KIF13B: variants seen among roughly 807,000 people sequenced by gnomAD.
The protein encoded by KIF13B is kinesin-like protein KIF13B.
A neutral mutation model predicts 222.0 loss-of-function variants in KIF13B; 127 were observed. That is an observed-to-expected ratio of 0.57 (90% confidence interval 0.50 to 0.66). The LOEUF (loss-of-function observed/expected upper bound fraction) is 0.66, where lower values mean the gene tolerates loss of function less well. Among genes scored for constraint, KIF13B ranks in the 30% least tolerant of loss-of-function variants. KIF13B has a pLI of 0.00. For missense variants in KIF13B, 2,173 were observed against 2,379.0 expected, an observed-to-expected ratio of 0.91 and a Z score of 1.80; for synonymous variants, 976 against 919.0, an observed-to-expected ratio of 1.06 and a Z score of -1.12.
intron 37 of KIF13B, among the ~76,000 whole-genome samples, chr8:29,092,352 A>G (rs1044741989): frequency 1.3e-5 from 2 of 152,242 alleles, no homozygotes; most frequent in Non-Finnish European, 2.9e-5. Context: ...AGAGGTTGAG[A>G]GGGAAGGGCA....
chr8:29,242,701 T>C (rs958767041), intron 2 of KIF13B, among the ~76,000 whole-genome samples: 3 of 152,198 alleles, frequency 2.0e-5, no homozygotes, highest in African/African-American at 7.2e-5. Context: ...CGAGCAGTGG[T>C]GTGGAATAGG....
chr8:29,075,129 TAGAG>T (rs1807492799), intron 38 of KIF13B, among the ~76,000 whole-genome samples, 148 bp downstream of exon 38: 1 of 151,940 alleles, frequency 6.6e-6, no homozygotes, highest in African/African-American at 2.4e-5. Context: ...ACAAGGAAAA[TAGAG>T]AGGGAGAAGG....
rs377382162 is a variant in KIF13B at position 29,109,467 on chromosome 8, G to C, written c.4128C>G (p.Ser1376Arg). 2.2e-5 allele frequency: 36 copies of C among 1,613,762 alleles called. No individual in the cohort carries two copies. In the African/African-American group the frequency reaches 4.7e-4, roughly 21 times the overall value. Residue 1376 changes from serine to arginine, a missense_variant, in exon 34 of 40, where the codon AGC becomes AGG. Transcript: ENST00000524189. ...CATTTGGAGAACTGATACTCCTCCT[G>C]CTCAACTTTCCTTTTCCTGTTAACT... ...KEQLTGKGKL[S>R]RRSISSPNVN...
intron 35 of KIF13B, among the ~76,000 whole-genome samples, chr8:29,106,407 A>C (rs1004925141): frequency 1.3e-5 from 2 of 152,108 alleles, no homozygotes; most frequent in Non-Finnish European, 2.9e-5. Flanking sequence ...CAAGGCGGAC[A>C]GATCACTTGA....
chr8:29,238,622 A>G (rs550273786), intron 2 of KIF13B, among the ~76,000 whole-genome samples: 1 of 152,314 alleles, frequency 6.6e-6, no homozygotes, highest in East Asian at 1.9e-4. Flanking sequence ...AACATGACAC[A>G]TGGGGGATGG....
intron 10 of KIF13B, 135 bp downstream of exon 10, chr8:29,175,933 A>G (rs188233961): frequency 1.7e-5 from 11 of 658,998 alleles, no homozygotes; most frequent in East Asian, 1.1e-4. Flanking sequence ...TGTCATTACC[A>G]TAAGAGCCTA....
intron 2 of KIF13B, among the ~76,000 whole-genome samples, chr8:29,205,118 G>A (rs1168757765): frequency 6.6e-6 from 1 of 152,120 alleles, no homozygotes; most frequent in Non-Finnish European, 1.5e-5. Flanking sequence ...CAGCCCAGGA[G>A]ATGGAGGCTG....
intron 4 of KIF13B, among the ~76,000 whole-genome samples, 154 bp from the exon 5 acceptor site, chr8:29,188,761 C>T (rs1813053576): frequency 2.0e-5 from 3 of 152,348 alleles, no homozygotes; most frequent in Non-Finnish European, 2.9e-5. Context: ...AAGGCTTATG[C>T]CTTCCAGGTT....
intron 2 of KIF13B, among the ~76,000 whole-genome samples, chr8:29,244,530 CATTGCCA>C (rs1193888231): frequency 6.6e-6 from 1 of 152,192 alleles, no homozygotes; most frequent in Non-Finnish European, 1.5e-5. Flanking sequence ...CCATTCTCTA[CATTGCCA>C]ATCAACAACT....
At chr8:29,119,575 C>A (rs998147821) in intron 29 of KIF13B, among the ~76,000 whole-genome samples, 1 of 152,150 alleles carries the variant, frequency 6.6e-6, no homozygotes, top group African/African-American at 2.4e-5. Context: ...TCCTGATGAT[C>A]CCCTCAAATG....
At chr8:29,249,012 T>C (rs1207769556) in intron 1 of KIF13B, among the ~76,000 whole-genome samples, 1 of 152,182 alleles carries the variant, frequency 6.6e-6, no homozygotes, top group Non-Finnish European at 1.5e-5. Flanking sequence ...ATGAATGATG[T>C]CTCAATACAG....
At chr8:29,179,701 C>T (rs1354529461) in intron 8 of KIF13B, among the ~76,000 whole-genome samples, 1 of 152,200 alleles carries the variant, frequency 6.6e-6, no homozygotes, top group Non-Finnish European at 1.5e-5. Context: ...GCACATTCTC[C>T]AGGTTCCAGG....
intron 32 of KIF13B, among the ~76,000 whole-genome samples, chr8:29,112,579 G>A (rs542573328): frequency 7.2e-5 from 11 of 152,288 alleles, no homozygotes; most frequent in Non-Finnish European, 1.0e-4. Flanking sequence ...TATGAGGGGC[G>A]TCTTCTGATG....
At position 29,148,770 on chromosome 8, in the gene KIF13B, T is replaced by C. The variant is rs1457963252; in HGVS notation, c.1623-3A>G. On this transcript the variant is annotated splice_polypyrimidine_tract_variant and splice_region_variant and intron_variant, in intron 15 of 39. Transcript: ENST00000524189. ...TTTTCTTTTTAGGCAAATTGAGTCTTGGTGGGAAAAAGAGTATTATTTTCT... is the reference window on the plus strand; with the variant it reads ...TTTTCTTTTTAGGCAAATTGAGTCTCGGTGGGAAAAAGAGTATTATTTTCT... 7 of 1,586,606 alleles carry C rather than the reference T, an allele frequency of 4.4e-6. No individual in the cohort carries two copies. The highest frequency in any genetic ancestry group is 6.0e-6 in the Non-Finnish European group (7 of 1,166,676).
At chr8:29,221,779 T>C (rs4732920) in intron 2 of KIF13B, among the ~76,000 whole-genome samples, 123,465 of 152,116 alleles carry the variant, frequency 0.81, 51,025 homozygotes, top group Non-Finnish European at 0.89. Flanking sequence ...CAAAGGATAA[T>C]GCCCAAAATA....
intron 26 of KIF13B, among the ~76,000 whole-genome samples, chr8:29,126,040 T>C (rs1276630101): frequency 6.6e-6 from 1 of 151,542 alleles, no homozygotes; most frequent in East Asian, 1.9e-4. Flanking sequence ...TGAGCCGAGA[T>C]GGCGCTATTG....
At chr8:29,123,591 G>T in intron 27 of KIF13B, 99 bp from the exon 28 acceptor site, 2 of 1,443,860 alleles carry the variant, frequency 1.4e-6, no homozygotes, top group Non-Finnish European at 9.5e-7. Flanking sequence ...TCAATTATTA[G>T]CTCACAAGTG....
intron 1 of KIF13B, among the ~76,000 whole-genome samples, chr8:29,259,348 C>T (rs2117184504): frequency 6.6e-6 from 1 of 152,334 alleles, no homozygotes; most frequent in South Asian, 2.1e-4. Context: ...TTCTCCCTAA[C>T]ACCTGAAATA....
intron 23 of KIF13B, 65 bp from the exon 24 acceptor site, chr8:29,130,730 C>A (rs920220824): frequency 2.8e-6 from 4 of 1,437,942 alleles, no homozygotes; most frequent in Non-Finnish European, 3.9e-6. Flanking sequence ...AGCTTAGGGT[C>A]CTACACACAT....
Sources: allele counts gnomAD v4.1 joint callset (sites outside exome capture counted in the v4.1 genomes callset), GRCh38; gene constraint gnomAD v4.1.1; transcripts MANE v1.5; gene names NCBI Gene and HGNC (gene_info 2026-07-23, HGNC 2026-07-21).